The following FREM1 variants were observed in gnomAD, a reference collection of about 807,000 sequenced individuals.
FREM1 encodes the protein FRAS1 related extracellular matrix 1.
FREM1 carries 220 observed loss-of-function variants against 210.1 expected under a neutral mutation model. The observed-to-expected ratio is 1.05, with a 90% CI of 0.94 to 1.17. The LOEUF (loss-of-function observed/expected upper bound fraction) is 1.17. Among genes scored for constraint, FREM1 ranks in the 50% most tolerant of loss-of-function variants. The pLI, the probability that FREM1 is intolerant of heterozygous loss-of-function variation, is 0.00. For missense variants in FREM1, 3,454 were observed against 2,675.5 expected, an observed-to-expected ratio of 1.29 and a Z score of -6.42; for synonymous variants, 1,189 against 980.2, an observed-to-expected ratio of 1.21 and a Z score of -3.98.
At chr9:14,774,516 TCTCTCTCTCTC>T in intron 25 of FREM1, among the ~76,000 whole-genome samples, 1 of 4,146 alleles carries the variant, frequency 2.4e-4, no homozygotes, top group Non-Finnish European at 6.6e-4. Context: ...AATAAATCTC[TCTCTCTCTCTC>T]TCTCTCTCTC....
At chr9:14,870,805 T>A (rs1273635439) in intron 1 of FREM1, among the ~76,000 whole-genome samples, 1 of 75,568 alleles carries the variant, frequency 1.3e-5, no homozygotes, top group Non-Finnish European at 2.5e-5. Context: ...CCCTCCCCCC[T>A]CCCCCGACCC....
intron 15 of FREM1, among the ~76,000 whole-genome samples, chr9:14,813,613 C>G (rs1318623613): frequency 6.6e-6 from 1 of 152,138 alleles, no homozygotes; most frequent in Non-Finnish European, 1.5e-5. Context: ...ACTATTCAAT[C>G]AATGCCAGGT....
intron 19 of FREM1, among the ~76,000 whole-genome samples, chr9:14,802,687 G>A (rs1327763608): frequency 6.6e-6 from 1 of 151,966 alleles, no homozygotes; most frequent in Non-Finnish European, 1.5e-5. Flanking sequence ...TATTTCTGTT[G>A]CCCATTTTGA....
intron 27 of FREM1, among the ~76,000 whole-genome samples, chr9:14,766,547 G>T (rs1199899484): frequency 6.6e-6 from 1 of 152,102 alleles, no homozygotes; most frequent in South Asian, 2.1e-4. Flanking sequence ...TGAATCTCAC[G>T]AAACAAGCAT....
At position 14,770,804 on chromosome 9, in the gene FREM1, T is replaced by A; in HGVS notation, c.4860A>T (p.Val1620=). The change falls in exon 26 of 37, where the codon GTA becomes GTT. Residue 1620 remains valine (V), a splice_region_variant and synonymous_variant. Transcript: ENST00000380880. ...GAGGAGCTGTTTTGTCCAATTGGTC[T>A]ACCTGGATCATCAACAATGACATAA... The part of the protein sequence containing the change: ...WEEPVLFTIQ[V]DQLDKTAPRI... 5.6e-6 allele frequency: 9 copies of A among 1,608,712 alleles called. No individual in the cohort carries two copies. The highest frequency in any genetic ancestry group is 7.6e-6 in the Non-Finnish European group (9 of 1,176,588).
At chr9:14,789,851 T>C (rs1851008696) in intron 22 of FREM1, among the ~76,000 whole-genome samples, 1 of 152,276 alleles carries the variant, frequency 6.6e-6, no homozygotes, top group African/African-American at 2.4e-5. Context: ...CAACTGACAG[T>C]GTTAGAAAAT....
chr9:14,860,904 C>T (rs557425349), intron 3 of FREM1, among the ~76,000 whole-genome samples: 2,839 of 73,962 alleles, frequency 0.038, 896 homozygotes, highest in African/African-American at 0.21. Context: ...CATATATACA[C>T]ATATACACAT....
chr9:14,812,840 G>A lies in FREM1; in HGVS notation c.2865C>T (p.Ile955=), dbSNP rs1446895587. 1 of 1,613,026 alleles carries A rather than the reference G, an allele frequency of 6.2e-7. No individual in the cohort carries two copies. The highest frequency in any genetic ancestry group is 2.2e-5 in the East Asian group (1 of 44,864). ...TVDQFSQRDV[I]SEAVTYKHTG... is the part of the protein sequence containing the mutation. ...TGTGTTTGTATGTCACGGCCTCTGA[G>A]ATAACATCTCTCTGAGAGAACTGAT... Residue 955 remains isoleucine, a synonymous_variant, in exon 16 of 37, where the codon ATC becomes ATT. Transcript: ENST00000380880.
chr9:14,770,519 G>A (rs1847343180), intron 26 of FREM1, 86 bp downstream of exon 26: 1 of 953,294 alleles, frequency 1.0e-6, no homozygotes, highest in African/African-American at 1.6e-5. Context: ...TACCAAATGG[G>A]CCTGCACTTA....
intron 33 of FREM1, 66 bp from the exon 34 acceptor site, chr9:14,747,117 C>T (rs1842599098): frequency 6.2e-7 from 1 of 1,604,508 alleles, no homozygotes; most frequent in Non-Finnish European, 8.5e-7. Flanking sequence ...ACACATTCAC[C>T]TCCTTTGGGT....
intron 1 of FREM1, among the ~76,000 whole-genome samples, chr9:14,884,476 GA>G (rs113860313): frequency 6.6e-6 from 1 of 152,106 alleles, no homozygotes; most frequent in Non-Finnish European, 1.5e-5. Context: ...TCTGAAATGT[GA>G]AAAAACACGC....
At chr9:14,787,522 A>G (rs1850607523) in intron 23 of FREM1, among the ~76,000 whole-genome samples, 1 of 152,176 alleles carries the variant, frequency 6.6e-6, no homozygotes, top group Non-Finnish European at 1.5e-5. Context: ...TTAATGTGGC[A>G]TGTGGCTGTG....
At chr9:14,813,559 G>C (rs1018038990) in intron 15 of FREM1, among the ~76,000 whole-genome samples, 2 of 152,134 alleles carry the variant, frequency 1.3e-5, no homozygotes, top group Admixed American at 6.5e-5. Flanking sequence ...ATAATAAGCA[G>C]CAGCTGCATT....
Position 14,808,632 on chromosome 9 carries a change from A to G in FREM1, c.2894-498T>C, listed in dbSNP as rs139918513. Reference sequence around the variant, plus strand: ...TAGGTGAAATACAAAAGTAGGCCACATTTTTGCCATTTCTTTCAATATTCT... The same window carrying G: ...TAGGTGAAATACAAAAGTAGGCCACGTTTTTGCCATTTCTTTCAATATTCT... On this transcript the variant is annotated intron_variant, in intron 16 of 36. Coordinates refer to ENST00000380880, the MANE Select transcript of FREM1 (RefSeq NM_001379081.2). Among the ~76,000 whole-genome samples the G allele has an allele frequency of 4.4e-3, 667 of 152,290 alleles. 23 individuals carry two copies. Among genetic ancestry groups the G allele is most frequent in the Admixed American group, 0.037 (565 of 15,296 alleles).
At chr9:14,788,236 G>T (rs1028557246) in intron 23 of FREM1, among the ~76,000 whole-genome samples, 2 of 151,990 alleles carry the variant, frequency 1.3e-5, no homozygotes, top group Non-Finnish European at 2.9e-5. Context: ...AAAATTACAG[G>T]GTAGTAACAG....
intron 22 of FREM1, among the ~76,000 whole-genome samples, chr9:14,789,824 C>T (rs1021828828): frequency 1.3e-5 from 2 of 152,072 alleles, no homozygotes; most frequent in East Asian, 3.8e-4. Flanking sequence ...GGTTCTTATG[C>T]TGAGGGGGGT....
At chr9:14,825,365 G>A (rs1236367102) in intron 10 of FREM1, among the ~76,000 whole-genome samples, 7 of 150,872 alleles carry the variant, frequency 4.6e-5, no homozygotes, top group African/African-American at 7.3e-5. Context: ...ATGGGTGCCT[G>A]CAATCCCAGC....
intron 35 of FREM1, among the ~76,000 whole-genome samples, chr9:14,745,608 C>G (rs1267754337): frequency 1.3e-5 from 2 of 152,100 alleles, no homozygotes; most frequent in Non-Finnish European, 2.9e-5. Context: ...ATGTGTATAA[C>G]TTTTTAAATT....
At chr9:14,900,131 G>A (rs1838504738) in intron 1 of FREM1, among the ~76,000 whole-genome samples, 1 of 152,144 alleles carries the variant, frequency 6.6e-6, no homozygotes, top group Non-Finnish European at 1.5e-5. Flanking sequence ...TACTGGGTCT[G>A]CGCTATTAAT....
Sources: gnomAD v4.1 joint callset for allele counts (sites outside exome capture counted in the v4.1 genomes callset) on GRCh38, gnomAD v4.1.1 for gene constraint, MANE v1.5 for transcripts, NCBI Gene and HGNC (gene_info 2026-07-23, HGNC 2026-07-21) for gene names.